SGCZ: variants seen among roughly 807,000 people sequenced by gnomAD.
The protein encoded by SGCZ is zeta-sarcoglycan.
Under a neutral mutation model 41.3 loss-of-function variants are expected in SGCZ, and 40 were observed. That is an observed-to-expected ratio of 0.97 (90% CI 0.75 to 1.26). The LOEUF is 1.26. Ranked by LOEUF, SGCZ falls within the 50% of genes most tolerant of loss-of-function variation. The pLI is 0.00. For synonymous variants in SGCZ, 206 were observed against 137.5 expected (o/e 1.50, Z -3.49); for missense variants, 552 against 369.8 (o/e 1.49, Z -4.04).
At chr8:14,463,647 T>G (rs955623554) in intron 2 of SGCZ, among the ~76,000 whole-genome samples, 7 of 151,666 alleles carry the variant, frequency 4.6e-5, no homozygotes, top group Non-Finnish European at 7.4e-5. Flanking sequence ...AAACTGTATT[T>G]TGTGAAAATA....
At chr8:14,178,858 T>A (rs1223515075) in intron 4 of SGCZ, among the ~76,000 whole-genome samples, 1 of 152,202 alleles carries the variant, frequency 6.6e-6, no homozygotes, top group Non-Finnish European at 1.5e-5. Context: ...CTTAAAATTA[T>A]TTTAGGAACT....
At chr8:14,094,030 C>T (rs1348562892) in intron 7 of SGCZ, among the ~76,000 whole-genome samples, 1 of 152,014 alleles carries the variant, frequency 6.6e-6, no homozygotes, top group Admixed American at 6.6e-5. Flanking sequence ...TCACCTTGAA[C>T]ACATCTCTCC....
chr8:14,594,005 C>G (rs7829099), intron 1 of SGCZ, among the ~76,000 whole-genome samples: 27 of 151,316 alleles, frequency 1.8e-4, no homozygotes, highest in African/African-American at 6.5e-4. Context: ...TGAAACCCTG[C>G]TTCTTCTAAA....
chr8:14,946,925 C>T (rs1800469545), intron 1 of SGCZ, among the ~76,000 whole-genome samples: 1 of 152,184 alleles, frequency 6.6e-6, no homozygotes, highest in African/African-American at 2.4e-5. Context: ...CCGCCCGCCT[C>T]GGCCTCCCAA....
At chr8:14,797,852 C>G (rs993169100) in intron 1 of SGCZ, among the ~76,000 whole-genome samples, 1 of 152,228 alleles carries the variant, frequency 6.6e-6, no homozygotes, top group African/African-American at 2.4e-5. Flanking sequence ...AGGTAAAGCT[C>G]AGCCAATGGC....
chr8:14,847,527 T>C (rs1803170899), intron 1 of SGCZ, among the ~76,000 whole-genome samples: 1 of 151,430 alleles, frequency 6.6e-6, no homozygotes, highest in Admixed American at 6.6e-5. Context: ...AGGAAATACA[T>C]AAGATAATAT....
intron 1 of SGCZ, among the ~76,000 whole-genome samples, chr8:14,597,649 G>C (rs1023164220): frequency 3.9e-5 from 6 of 152,068 alleles, no homozygotes; most frequent in Non-Finnish European, 8.8e-5. Context: ...GGCTAATTTT[G>C]TATTTTTAGT....
At chr8:14,343,164 T>G (rs542314975) in intron 2 of SGCZ, among the ~76,000 whole-genome samples, 1 of 152,366 alleles carries the variant, frequency 6.6e-6, no homozygotes, top group Non-Finnish European at 1.5e-5. Flanking sequence ...AACACTTGGA[T>G]GCCCAGGCAA....
intron 4 of SGCZ, among the ~76,000 whole-genome samples, chr8:14,192,089 C>G (rs994653051): frequency 2.0e-5 from 3 of 151,876 alleles, no homozygotes; most frequent in African/African-American, 7.3e-5. Flanking sequence ...TATTTAAAAT[C>G]AAAGCACATA....
chr8:14,508,684 T>C (rs756668302), intron 2 of SGCZ, among the ~76,000 whole-genome samples: 32 of 152,310 alleles, frequency 2.1e-4, no homozygotes, highest in Non-Finnish European at 4.1e-4. Context: ...ATAAAGTATC[T>C]GTCTAGCTAA....
At chr8:15,004,909 T>G (rs1254334696) in intron 1 of SGCZ, among the ~76,000 whole-genome samples, 1 of 152,046 alleles carries the variant, frequency 6.6e-6, no homozygotes, top group African/African-American at 2.4e-5. Flanking sequence ...TTCTCACCAC[T>G]GCCACACCTC....
chr8:14,757,797 A>G (rs898541602), intron 1 of SGCZ, among the ~76,000 whole-genome samples: 3 of 152,164 alleles, frequency 2.0e-5, no homozygotes, highest in Admixed American at 1.3e-4. Flanking sequence ...TTTTACTATC[A>G]TTTTACGTAA....
chr8:14,844,477 A>AT (rs1803033901), intron 1 of SGCZ, among the ~76,000 whole-genome samples: 1 of 152,148 alleles, frequency 6.6e-6, no homozygotes, highest in Non-Finnish European at 1.5e-5. Context: ...AAATAGCTTC[A>AT]AATGCTATGG....
At chr8:14,382,852 A>G (rs1403682853) in intron 2 of SGCZ, among the ~76,000 whole-genome samples, 1 of 152,230 alleles carries the variant, frequency 6.6e-6, no homozygotes, top group Non-Finnish European at 1.5e-5. Flanking sequence ...CCAAACTGCT[A>G]GACTCTTGTA....
intron 2 of SGCZ, among the ~76,000 whole-genome samples, chr8:14,412,772 G>T (rs1397794339): frequency 6.6e-6 from 1 of 151,858 alleles, no homozygotes; most frequent in South Asian, 2.1e-4. Flanking sequence ...ACGTGACAAG[G>T]TATCAAAATA....
At chr8:14,274,980 G>A (rs960096423) in intron 3 of SGCZ, among the ~76,000 whole-genome samples, 1 of 152,046 alleles carries the variant, frequency 6.6e-6, no homozygotes, top group Non-Finnish European at 1.5e-5. Context: ...TTTTAAACAA[G>A]TGAAATATAC....
chr8:14,536,556 G>A (rs1203857748), intron 2 of SGCZ, among the ~76,000 whole-genome samples: 1 of 151,592 alleles, frequency 6.6e-6, no homozygotes, highest in African/African-American at 2.4e-5. Context: ...AACCTGAAAG[G>A]AATTTTAGAG....
intron 2 of SGCZ, among the ~76,000 whole-genome samples, chr8:14,386,033 T>C (rs1049317612): frequency 6.6e-6 from 1 of 152,306 alleles, no homozygotes; most frequent in South Asian, 2.1e-4. Context: ...CTATTATTCT[T>C]TATTGTTTAT....
chr8:14,861,734 A>G (rs1211775758), intron 1 of SGCZ, among the ~76,000 whole-genome samples: 2 of 151,988 alleles, frequency 1.3e-5, no homozygotes, highest in Non-Finnish European at 2.9e-5. Flanking sequence ...TGGGACCCAC[A>G]AATTATGTTC....
Sources: gnomAD v4.1 joint callset for allele counts (sites outside exome capture counted in the v4.1 genomes callset) on GRCh38, gnomAD v4.1.1 for gene constraint, MANE v1.5 for transcripts, NCBI Gene and HGNC (gene_info 2026-07-23, HGNC 2026-07-21) for gene names.